The following NEMP2 variants were observed in gnomAD, a reference collection of about 807,000 sequenced individuals.
NEMP2 encodes the protein nuclear envelope integral membrane protein 2.
In NEMP2, 53 loss-of-function variants were observed where a neutral mutation model predicts 54.2. The ratio of observed to expected loss-of-function variants is 0.98; its 90% confidence interval spans 0.78 to 1.23. The LOEUF is 1.23. NEMP2 is among the 50% of genes most tolerant of loss of function. The probability of loss-of-function intolerance (pLI) is 0.00; values close to 1 mark genes in which losing one functional copy is unlikely to be tolerated. For synonymous variants in NEMP2, 197 were observed against 190.3 expected (o/e 1.04, Z -0.29); for missense variants, 455 against 511.3 (o/e 0.89, Z 1.06).
At chr2:190,593,447 T>C in the NEMP2 span, among the ~76,000 whole-genome samples, 6 of 152,184 alleles carry the variant, frequency 3.9e-5, no homozygotes, top group Non-Finnish European at 7.3e-5. The surrounding 1 kb of genome is among the most constrained non-coding windows in gnomAD (Gnocchi z 4.5). Context: ...CTGGTTAAAG[T>C]TGGGTTGATG....
the NEMP2 span, among the ~76,000 whole-genome samples, chr2:190,633,333 G>C: frequency 1.4e-5 from 2 of 140,710 alleles, no homozygotes; most frequent in African/African-American, 5.5e-5. Flanking sequence ...TTTTTTTGGA[G>C]ACAGGGTTTC....
rs945750922 is a variant in NEMP2 at position 190,509,724 on chromosome 2, C to T, written c.1131-412G>A. Among the ~76,000 whole-genome samples, 1 of 152,200 alleles carries T rather than the reference C, an allele frequency of 6.6e-6. No homozygotes were observed. The highest frequency in any genetic ancestry group is 2.4e-5 in the African/African-American group (1 of 41,446). On this transcript the variant is annotated intron_variant, in intron 8 of 8. Transcript: ENST00000409150. The surrounding 1 kb of genome is among the most constrained non-coding windows in gnomAD (Gnocchi z 6.1). ...CAATAAGGAAAAATTTTGGGACAGA[C>T]GTCTTTCTTAGTGAACTTTAAAAAT...
At chr2:190,468,815 G>T in the NEMP2 span, among the ~76,000 whole-genome samples, 1 of 151,860 alleles carries the variant, frequency 6.6e-6, no homozygotes, top group East Asian at 1.9e-4. Flanking sequence ...TTATCGTGTT[G>T]GTTTATTTCT....
chr2:190,598,851 C>T, the NEMP2 span, among the ~76,000 whole-genome samples: 4 of 152,170 alleles, frequency 2.6e-5, no homozygotes, highest in Admixed American at 1.3e-4. Context: ...GAGTGACTAA[C>T]GTTAATATAC....
In NEMP2 at chr2:190,509,181, G is replaced by C. The variant is rs1485542689; in HGVS notation, c.*8C>G. The C allele has an allele frequency of 6.4e-7, 1 of 1,551,494 alleles. No individual in the cohort carries two copies. On this transcript the variant is annotated 3_prime_UTR_variant, in exon 9 of 9. Coordinates refer to ENST00000409150, the MANE Select transcript of NEMP2 (RefSeq NM_001142645.2). The surrounding 1 kb of genome is among the most constrained non-coding windows in gnomAD (Gnocchi z 6.1). Reference sequence around the variant, plus strand: ...TGTCCAGAATGAAGTCAACTTGAAGGTCGCATGTCAGGCAGTACTCGGGTT... The same window carrying C: ...TGTCCAGAATGAAGTCAACTTGAAGCTCGCATGTCAGGCAGTACTCGGGTT...
At chr2:190,452,873 A>G in the NEMP2 span, among the ~76,000 whole-genome samples, 130 of 152,326 alleles carry the variant, frequency 8.5e-4, no homozygotes, top group Non-Finnish European at 1.5e-3. Flanking sequence ...TGTACTGAAT[A>G]TAAGTGGCAA....
At chr2:190,462,791 C>T in the NEMP2 span, among the ~76,000 whole-genome samples, 1 of 152,198 alleles carries the variant, frequency 6.6e-6, no homozygotes, top group Non-Finnish European at 1.5e-5. The surrounding 1 kb of genome is among the most constrained non-coding windows in gnomAD (Gnocchi z 5.7). Flanking sequence ...GAGATACTGT[C>T]AGCCCTGCTA....
chr2:190,565,734 G>A, the NEMP2 span, among the ~76,000 whole-genome samples: 2 of 152,274 alleles, frequency 1.3e-5, no homozygotes, highest in East Asian at 3.9e-4. Flanking sequence ...CCAACACAGA[G>A]AACCTCAGAA....
chr2:190,452,680 C>T, the NEMP2 span, among the ~76,000 whole-genome samples: 1 of 152,186 alleles, frequency 6.6e-6, no homozygotes, highest in Non-Finnish European at 1.5e-5. Flanking sequence ...ATGACTAATG[C>T]CTGGTATCAC....
At chr2:190,497,024 C>T in the NEMP2 span, among the ~76,000 whole-genome samples, 1 of 152,064 alleles carries the variant, frequency 6.6e-6, no homozygotes, top group Non-Finnish European at 1.5e-5. This position sits in a 1 kb window ranked among gnomAD's most constrained non-coding sequence, Gnocchi z 5.2. Context: ...CTTACGTAAC[C>T]AAATACCACC....
chr2:190,478,818 T>C, the NEMP2 span, among the ~76,000 whole-genome samples: 1 of 116,292 alleles, frequency 8.6e-6, no homozygotes, highest in African/African-American at 3.0e-5. Flanking sequence ...GCCAGAACCA[T>C]ACAAGAGGGT....
chr2:190,501,356 ACAGT>A (rs1438375352), downstream of NEMP2: 1 of 152,218 alleles, frequency 6.6e-6, no homozygotes, highest in African/African-American at 2.4e-5. Flanking sequence ...TCATGAAGAC[ACAGT>A]CAGACACTGG....
Position 190,509,794 on chromosome 2 carries a change from C to T in NEMP2, c.1131-482G>A, listed in dbSNP as rs551550388. Among the ~76,000 whole-genome samples, 12 of 152,326 alleles carry T rather than the reference C, an allele frequency of 7.9e-5. No homozygotes were observed. Among genetic ancestry groups the T allele is most frequent in the Admixed American group, 2.0e-4 (3 of 15,306 alleles). ...GTGGCTCATGCCTGTAATCCCAGCA[C>T]TTTGGGAGGCCAAGGCAGGCAGATC... On this transcript the variant is annotated intron_variant, in intron 8 of 8. Coordinates refer to ENST00000409150, the MANE Select transcript of NEMP2 (RefSeq NM_001142645.2). This position sits in a 1 kb window ranked among gnomAD's most constrained non-coding sequence, Gnocchi z 6.1.
chr2:190,614,130 A>G, the NEMP2 span, among the ~76,000 whole-genome samples: 2 of 152,144 alleles, frequency 1.3e-5, no homozygotes, highest in Non-Finnish European at 2.9e-5. The surrounding 1 kb of genome is among the most constrained non-coding windows in gnomAD (Gnocchi z 5.7). Flanking sequence ...CATTTTATAG[A>G]TTCATAAGAC....
At chr2:190,537,845 G>A (rs569370006), upstream of NEMP2, among the ~76,000 whole-genome samples, 1 of 152,304 alleles carries the variant, frequency 6.6e-6, no homozygotes, top group African/African-American at 2.4e-5. Context: ...GCATGTCGGA[G>A]ACCTTCTCAG....
At chr2:190,583,456 T>C in the NEMP2 span, among the ~76,000 whole-genome samples, 1 of 152,236 alleles carries the variant, frequency 6.6e-6, no homozygotes, top group Non-Finnish European at 1.5e-5. Flanking sequence ...TCTACAGGAA[T>C]GTATCTCTGC....
chr2:190,449,881 G>A, the NEMP2 span, among the ~76,000 whole-genome samples: 19 of 152,048 alleles, frequency 1.2e-4, no homozygotes, highest in Admixed American at 8.5e-4. Flanking sequence ...GGGGAAGGGG[G>A]GAGGAATAGC....
chr2:190,471,247 G>C, the NEMP2 span, among the ~76,000 whole-genome samples: 276 of 152,312 alleles, frequency 1.8e-3, 1 homozygote, highest in African/African-American at 6.4e-3. The surrounding 1 kb of genome is among the most constrained non-coding windows in gnomAD (Gnocchi z 4.7). Flanking sequence ...GTGGGTGCAG[G>C]ATAGTGGGTG....
the NEMP2 span, among the ~76,000 whole-genome samples, chr2:190,489,096 A>G: frequency 6.6e-6 from 1 of 152,242 alleles, no homozygotes; most frequent in Non-Finnish European, 1.5e-5. This position sits in a 1 kb window ranked among gnomAD's most constrained non-coding sequence, Gnocchi z 6.6. Context: ...CAAATGAATT[A>G]GCATGAGTGC....
Sources: gnomAD v4.1 joint callset for allele counts (sites outside exome capture counted in the v4.1 genomes callset) on GRCh38, gnomAD v4.1.1 for gene constraint, Gnocchi (gnomAD v3.1) non-coding constraint, MANE v1.5 for transcripts, NCBI Gene and HGNC (gene_info 2026-07-23, HGNC 2026-07-21) for gene names.